VPS35: variants seen among roughly 807,000 people sequenced by gnomAD.
VPS35 encodes VPS35 retromer complex component.
In VPS35, 21 loss-of-function variants were observed where a neutral mutation model predicts 98.1. The observed-to-expected ratio is 0.21, with a 90% CI of 0.15 to 0.31. The LOEUF is 0.31. Among genes scored for constraint, VPS35 ranks in the 10% least tolerant of loss-of-function variants. VPS35 has a pLI of 1.00. For synonymous variants in VPS35, 268 were observed against 318.2 expected, an observed-to-expected ratio of 0.84 and a Z score of 1.68; for missense variants, 554 against 950.8, an observed-to-expected ratio of 0.58 and a Z score of 5.49.
chr16:46,667,928 T>C (rs1193739139), intron 13 of VPS35, among the ~76,000 whole-genome samples: 2 of 152,248 alleles, frequency 1.3e-5, no homozygotes, highest in Non-Finnish European at 2.9e-5. Flanking sequence ...TTAATTACTA[T>C]GGCTTTGTAA....
At chr16:46,666,904 T>C (rs1313642643) in intron 13 of VPS35, among the ~76,000 whole-genome samples, 1 of 152,222 alleles carries the variant, frequency 6.6e-6, no homozygotes, top group Non-Finnish European at 1.5e-5. Context: ...ATCTCAGCCA[T>C]TGTGAATAAT....
intron 8 of VPS35, 100 bp downstream of exon 8, chr16:46,676,483 G>A (rs1202768136): frequency 3.9e-6 from 3 of 770,334 alleles, no homozygotes; most frequent in Non-Finnish European, 6.8e-6. Flanking sequence ...AAGATCATTG[G>A]TATGATAAAG....
Position 46,661,497 on chromosome 16 carries a change from T to C in VPS35, c.2211+221A>G. ...TGCCTGCCTCAGCCTCCCAAAGTGC[T>C]GGGATTACAGGCATGAGCCACCACG... On this transcript the variant is annotated intron_variant, in intron 16 of 16. Transcript: ENST00000299138. The surrounding 1 kb of genome is among the most constrained non-coding windows in gnomAD (Gnocchi z 4.3). 1 of 441,324 alleles carries C rather than the reference T, an allele frequency of 2.3e-6. No homozygotes were observed. The highest frequency in any genetic ancestry group is 4.1e-6 in the Non-Finnish European group (1 of 245,590). 27.3% of individuals were successfully genotyped at this position (441,324 alleles called of 1,614,324 possible).
rs1280635982 is a variant in VPS35, at chr16:46,660,170, A to AT, written c.*301dup. 2 of 243,178 alleles carry AT rather than the reference A, an allele frequency of 8.2e-6. No homozygotes were observed. The highest frequency in any genetic ancestry group is 4.6e-5 in the African/African-American group (2 of 43,524). 15.1% of individuals were successfully genotyped at this position (243,178 alleles called of 1,614,324 possible). On this transcript the variant is annotated 3_prime_UTR_variant, in exon 17 of 17. Coordinates refer to ENST00000299138, the MANE Select transcript of VPS35 (RefSeq NM_018206.6). Reference sequence around the variant, plus strand: ...AAGGAGAGCTTCATTAGTAGCCAAGATAAGTGCTTGTGGGTTTTGTGTTTT... The same window carrying AT: ...AAGGAGAGCTTCATTAGTAGCCAAGATTAAGTGCTTGTGGGTTTTGTGTTTT...
intron 8 of VPS35, among the ~76,000 whole-genome samples, chr16:46,675,600 G>A (rs868596459): frequency 1.3e-5 from 2 of 152,058 alleles, no homozygotes; most frequent in African/African-American, 4.8e-5. Flanking sequence ...CTGACAATTT[G>A]GAAAAATTTG....
chr16:46,675,455 T>G lies in VPS35; in HGVS notation c.915-795A>C, dbSNP rs145703783. Among the ~76,000 whole-genome samples, 394 of 152,296 alleles carry G rather than the reference T, an allele frequency of 2.6e-3. 2 individuals are homozygous for G. Among genetic ancestry groups the G allele is most frequent in the African/African-American group, 9.0e-3 (372 of 41,554 alleles). ...TTTGTCAGTCACAACTACATCCACATTTTGCTATGCCCAGAAGCATCACTA... is the reference window on the plus strand; with the variant it reads ...TTTGTCAGTCACAACTACATCCACAGTTTGCTATGCCCAGAAGCATCACTA... On this transcript the variant is annotated intron_variant, in intron 8 of 16. Transcript: ENST00000299138.
Position 46,674,438 on chromosome 16 carries a change from C to A in VPS35, c.1036G>T (p.Asp346Tyr). The A allele has an allele frequency of 6.2e-7, 1 of 1,613,296 alleles. No individual in the cohort carries two copies. Among genetic ancestry groups the A allele is most frequent in the Non-Finnish European group, 8.5e-7 (1 of 1,179,578 alleles). ...IQSRQDMPSE[D>Y]VVSLQVSLIN... ...AGAGAGACTTGTAAAGATACAACAT[C>A]CTCTGAAGGCATGTCTTGTCTAGAC... is the stretch of plus-strand genomic sequence containing the variant. The change falls in exon 10 of 17, where the codon GAT becomes TAT. Residue 346 changes from aspartate to tyrosine, a missense_variant. Coordinates refer to ENST00000299138, the MANE Select transcript of VPS35 (RefSeq NM_018206.6).
At position 46,661,775 on chromosome 16, in the gene VPS35, C is replaced by G; in HGVS notation, c.2154G>C (p.Gln718His). 2 of 1,613,886 alleles carry G rather than the reference C, an allele frequency of 1.2e-6. No individual in the cohort carries two copies. Among genetic ancestry groups the G allele is most frequent in the Non-Finnish European group, 1.7e-6 (2 of 1,179,804 alleles). ...ATCTGTTCAGAATTTCTATAAAAAGCTGCACTTGTAGAGAGGGGTCCATGC... is the reference window on the plus strand; with the variant it reads ...ATCTGTTCAGAATTTCTATAAAAAGGTGCACTTGTAGAGAGGGGTCCATGC... Reference protein sequence around the residue: ...NQCMDPSLQVQLFIEILNRYI... With the variant: ...NQCMDPSLQVHLFIEILNRYI... The change falls in exon 16 of 17, where the codon CAG becomes CAC. Residue 718 changes from glutamine to histidine, a missense_variant. By Grantham distance (24) the Gln-to-His change is conservative. Coordinates refer to ENST00000299138, the MANE Select transcript of VPS35 (RefSeq NM_018206.6). This position sits in a 1 kb window ranked among gnomAD's most constrained non-coding sequence, Gnocchi z 4.3.
chr16:46,677,257 T>C, intron 7 of VPS35, 58 bp downstream of exon 7: 1 of 1,518,020 alleles, frequency 6.6e-7, no homozygotes, highest in African/African-American at 1.4e-5. Context: ...TCAAAACAAT[T>C]AAATTTAATG....
chr16:46,669,037 G>C lies in VPS35; in HGVS notation c.1540C>G (p.Arg514Gly), dbSNP rs1237639060. ...TTTCCACCAGCTCCAAAATGTTTTC[G>C]TGCTGTGTTCAAAATCTGACCCAAA... ...DQQYLILNTA[R>G]KHFGAGGNQR... is the part of the protein sequence containing the mutation. The change falls in exon 13 of 17, where the codon CGA (arginine) becomes GGA (glycine). Residue 514 changes from arginine to glycine, a missense_variant. Coordinates refer to ENST00000299138, the MANE Select transcript of VPS35 (RefSeq NM_018206.6). The C allele has an allele frequency of 9.3e-6, 15 of 1,613,910 alleles. No individual in the cohort carries two copies. The highest frequency in any genetic ancestry group is 1.0e-5 in the Non-Finnish European group (12 of 1,180,004).
chr16:46,660,768 T>C (rs1244943272), intron 16 of VPS35, 117 bp from the exon 17 acceptor site: 2 of 615,108 alleles, frequency 3.3e-6, no homozygotes, highest in Non-Finnish European at 5.4e-6. Context: ...TGAGTAATTA[T>C]GAAAAAAGAA....
At chr16:46,666,866 T>C (rs1410874474) in intron 13 of VPS35, among the ~76,000 whole-genome samples, 1 of 152,260 alleles carries the variant, frequency 6.6e-6, no homozygotes, top group African/African-American at 2.4e-5. Flanking sequence ...TTTACTCATC[T>C]ATCGATGGAC....
At chr16:46,665,335 T>C (rs987271472) in intron 13 of VPS35, among the ~76,000 whole-genome samples, 1 of 152,232 alleles carries the variant, frequency 6.6e-6, no homozygotes, top group East Asian at 1.9e-4. Context: ...GGCTCATGCC[T>C]GTAATCCCAA....
In VPS35 at chr16:46,656,147, A is replaced by C. The variant is rs1443978712; in HGVS notation, c.*4325T>G. ...TCTCCCTTCCTGTGAGCGTGCATAG[A>C]TTTTACATTTTACATTTGCAAAACC... is the stretch of plus-strand genomic sequence containing the variant. On this transcript the variant is annotated 3_prime_UTR_variant, in exon 17 of 17. Transcript: ENST00000299138. 1 of 151,618 alleles carries C rather than the reference A, an allele frequency of 6.6e-6. No individual in the cohort carries two copies. Among genetic ancestry groups the C allele is most frequent in the Non-Finnish European group, 1.5e-5 (1 of 67,898 alleles). 9.4% of individuals were successfully genotyped at this position (151,618 alleles called of 1,614,324 possible).
In VPS35 at chr16:46,663,026, C is replaced by T. The variant is rs1375594493; in HGVS notation, c.1784G>A (p.Gly595Asp). The part of the protein sequence containing the change: ...LQGALAAGEI[G>D]FENHETVAYE... ...TGCGACTGTCTCATGATTTTCAAAA[C>T]CAATTTCCCCAGCAGCTAGTGCTCC... The change falls in exon 14 of 17, where the codon GGT becomes GAT. Residue 595 changes from glycine (G) to aspartate (D), a missense_variant. Coordinates refer to ENST00000299138, the MANE Select transcript of VPS35 (RefSeq NM_018206.6). The T allele has an allele frequency of 6.2e-7, 1 of 1,614,176 alleles. No homozygotes were observed. The highest frequency in any genetic ancestry group is 2.2e-5 in the East Asian group (1 of 44,878).
chr16:46,679,135 G>C lies in VPS35; in HGVS notation c.528C>G (p.Ile176Met). The C allele has an allele frequency of 6.2e-7, 1 of 1,611,726 alleles. No homozygotes were observed. Among genetic ancestry groups the C allele is most frequent in the Non-Finnish European group, 8.5e-7 (1 of 1,178,638 alleles). Residue 176 changes from isoleucine (I) to methionine (M), a missense_variant, in exon 6 of 17, where the codon ATC becomes ATG. Coordinates refer to ENST00000299138, the MANE Select transcript of VPS35 (RefSeq NM_018206.6). ...GCAGTACAAAATCCATGGAATCACT[G>C]ATGTCACCAGTTGTTTCTTCACTGC... ...EPTDEETTGD[I>M]SDSMDFVLLN...
intron 1 of VPS35, among the ~76,000 whole-genome samples, chr16:46,687,004 C>A (rs1181350751): frequency 6.6e-6 from 1 of 152,174 alleles, no homozygotes; most frequent in East Asian, 1.9e-4. Flanking sequence ...GATGAGAGTA[C>A]ACCACTGTTA....
chr16:46,681,999 T>C (rs1261170924), intron 3 of VPS35, 80 bp downstream of exon 3: 2 of 1,109,906 alleles, frequency 1.8e-6, no homozygotes, highest in South Asian at 2.6e-5. Context: ...CCAGAAAAAC[T>C]TCATAAAGAA....
At position 46,681,461 on chromosome 16, in the gene VPS35, T is replaced by C. The variant is rs1375727764; in HGVS notation, c.239A>G (p.Tyr80Cys). Residue 80 changes from tyrosine (Y) to cysteine (C), a missense_variant, in exon 4 of 17, where the codon TAC becomes TGC. Physicochemically the swap from Tyr to Cys is radical, Grantham distance 194. Around this residue, in one of 5 missense-constraint regions of VPS35, gnomAD observed 67 missense variants for 103.3 expected, o/e 0.65. Coordinates refer to ENST00000299138, the MANE Select transcript of VPS35 (RefSeq NM_018206.6). ...ISDELHYLEVYLTDEFAKGRK... is the reference protein window; with the variant it reads ...ISDELHYLEVCLTDEFAKGRK... ...TCCTTTAGCAAACTCATCTGTCAGG[T>C]AGACCTCCAAGTAGTGCAGTTCATC... 1.9e-6 allele frequency: 3 copies of C among 1,613,400 alleles called. No homozygotes were observed. Among genetic ancestry groups the C allele is most frequent in the Non-Finnish European group, 8.5e-7 (1 of 1,179,714 alleles).
Sources: gnomAD v4.1 joint callset for allele counts (sites outside exome capture counted in the v4.1 genomes callset) on GRCh38, gnomAD v4.1.1 for gene constraint, gnomAD v4.1.1 regional missense constraint, Gnocchi (gnomAD v3.1) non-coding constraint, MANE v1.5 for transcripts, NCBI Gene and HGNC (gene_info 2026-07-23, HGNC 2026-07-21) for gene names.